The following KIAA1549L variants were observed in gnomAD, a reference collection of about 807,000 sequenced individuals.
KIAA1549L encodes KIAA1549 like.
KIAA1549L carries 88 observed loss-of-function variants against 160.7 expected under a neutral mutation model. The observed-to-expected ratio is 0.55, with a 90% CI of 0.46 to 0.65. The LOEUF (loss-of-function observed/expected upper bound fraction) is 0.65. Among genes scored for constraint, KIAA1549L ranks in the 30% least tolerant of loss-of-function variants. The pLI, the probability that KIAA1549L is intolerant of heterozygous loss-of-function variation, is 0.00. For synonymous variants in KIAA1549L, 950 were observed against 976.7 expected, an observed-to-expected ratio of 0.97 and a Z score of 0.51; for missense variants, 2,258 against 2,437.5, an observed-to-expected ratio of 0.93 and a Z score of 1.55.
rs114327236 is a variant in KIAA1549L, at chr11:33,554,456, G to A, written c.3855+2215G>A. 9.8e-4 allele frequency among the ~76,000 whole-genome samples: 149 copies of A among 152,246 alleles called. 1 individual carries two copies. Among genetic ancestry groups the A allele is most frequent in the African/African-American group, 3.1e-3 (129 of 41,540 alleles). ...TAACTGAAAGGTTCACATTTATTCCGACACAGTTGTATCCAGGTGATTATT... is the reference window on the plus strand; with the variant it reads ...TAACTGAAAGGTTCACATTTATTCCAACACAGTTGTATCCAGGTGATTATT... On this transcript the variant is annotated intron_variant, in intron 6 of 20. Coordinates refer to ENST00000658780, the MANE Select transcript of KIAA1549L (RefSeq NM_012194.3).
In KIAA1549L at chr11:33,569,397, C is replaced by T. The variant is rs147492393; in HGVS notation, c.4230+1170C>T. 7.5e-3 allele frequency among the ~76,000 whole-genome samples: 1,136 copies of T among 152,266 alleles called. 25 individuals are homozygous for T. The highest frequency in any genetic ancestry group is 0.026 in the African/African-American group (1,097 of 41,548). ...CTGCCTCTGGAGTGGGGACTTCCTA[C>T]CTGGAATTGAGCAGACTACCCCTGG... On this transcript the variant is annotated intron_variant, in intron 9 of 20. Coordinates refer to ENST00000658780, the MANE Select transcript of KIAA1549L (RefSeq NM_012194.3).
intron 1 of KIAA1549L, among the ~76,000 whole-genome samples, chr11:33,531,287 A>G (rs112826749): frequency 1.6e-4 from 24 of 152,286 alleles, no homozygotes; most frequent in Non-Finnish European, 2.1e-4. Flanking sequence ...AGCCTAATCA[A>G]TATGGTAAAA....
intron 1 of KIAA1549L, among the ~76,000 whole-genome samples, chr11:33,436,408 A>G (rs1851381965): frequency 6.6e-6 from 1 of 152,208 alleles, no homozygotes; most frequent in African/African-American, 2.4e-5. Flanking sequence ...GAAGGCAGTC[A>G]GAGAGAAAGA....
At position 33,542,075 on chromosome 11, in the gene KIAA1549L, C is replaced by T; in HGVS notation, c.512C>T (p.Pro171Leu). The T allele has an allele frequency of 2.1e-6, 1 of 479,428 alleles. No homozygotes were observed. Among genetic ancestry groups the T allele is most frequent in the Non-Finnish European group, 4.1e-6 (1 of 242,408 alleles). The allele number at this position is 479,428 out of a possible 1,614,324, so 29.7% of individuals were successfully genotyped here. Residue 171 changes from proline (P) to leucine (L), a missense_variant, in exon 2 of 21, where the codon CCT becomes CTT. Transcript: ENST00000658780. ...AGCGGACATAGCGCCTCCCTCGAAC[C>T]TTCCAAGGATTCTACCGAGTCCCTG... ...QGSGHSASLE[P>L]SKDSTESLVQ...
At chr11:33,536,923 A>G (rs1426402289) in intron 1 of KIAA1549L, among the ~76,000 whole-genome samples, 1 of 152,130 alleles carries the variant, frequency 6.6e-6, no homozygotes, top group Non-Finnish European at 1.5e-5. Context: ...TGGTTTTTCC[A>G]AAACAGAAAT....
chr11:33,498,921 G>A (rs1249749504), intron 1 of KIAA1549L, among the ~76,000 whole-genome samples: 11 of 152,170 alleles, frequency 7.2e-5, no homozygotes, highest in African/African-American at 2.4e-4. Flanking sequence ...GATGGTGATG[G>A]GGTGGGAGAA....
At chr11:33,572,828 G>T (rs1432765145) in intron 9 of KIAA1549L, among the ~76,000 whole-genome samples, 1 of 152,194 alleles carries the variant, frequency 6.6e-6, no homozygotes, top group African/African-American at 2.4e-5. Flanking sequence ...GGCTGGAATT[G>T]CTGGTTCTTA....
intron 15 of KIAA1549L, among the ~76,000 whole-genome samples, chr11:33,616,259 G>T (rs186203911): frequency 6.6e-4 from 100 of 152,248 alleles, no homozygotes; most frequent in African/African-American, 2.3e-3. Flanking sequence ...TTACCTCATG[G>T]TGACAAACCG....
chr11:33,464,706 G>C (rs1450400501), intron 1 of KIAA1549L, among the ~76,000 whole-genome samples: 1 of 152,054 alleles, frequency 6.6e-6, no homozygotes, highest in African/African-American at 2.4e-5. Flanking sequence ...ATCCACATCT[G>C]TTCAAATCAT....
chr11:33,384,036 T>G (rs549384634), intron 1 of KIAA1549L, among the ~76,000 whole-genome samples: 1 of 152,180 alleles, frequency 6.6e-6, no homozygotes, highest in Non-Finnish European at 1.5e-5. Flanking sequence ...TGATGAGTTT[T>G]GACAAAAGTG....
At chr11:33,418,087 T>A (rs1000064645) in intron 1 of KIAA1549L, among the ~76,000 whole-genome samples, 1 of 152,220 alleles carries the variant, frequency 6.6e-6, no homozygotes, top group Non-Finnish European at 1.5e-5. Flanking sequence ...TTCCTATCCC[T>A]CTTTTTCTGC....
At chr11:33,646,167 C>T (rs1851719104) in intron 17 of KIAA1549L, 131 bp downstream of exon 17, 2 of 678,750 alleles carry the variant, frequency 2.9e-6, no homozygotes, top group Admixed American at 2.9e-5. Context: ...GCCAGGCCCT[C>T]ATCCCATCAT....
chr11:33,393,153 C>A (rs541588447), intron 1 of KIAA1549L, among the ~76,000 whole-genome samples: 13 of 152,214 alleles, frequency 8.5e-5, no homozygotes, highest in Admixed American at 2.0e-4. Context: ...TCACACCTGC[C>A]GCTATAGCGA....
chr11:33,492,644 AATCAG>A (rs1852708044), intron 1 of KIAA1549L, among the ~76,000 whole-genome samples: 1 of 152,180 alleles, frequency 6.6e-6, no homozygotes, highest in South Asian at 2.1e-4. Flanking sequence ...TCTCCGAGAC[AATCAG>A]AGATGTCAAC....
Position 33,542,708 on chromosome 11 carries a change from G to C in KIAA1549L, c.1145G>C (p.Gly382Ala). Residue 382 changes from glycine (G) to alanine (A), a missense_variant, in exon 2 of 21, where the codon GGT becomes GCT. This residue lies in a region of KIAA1549L where 540 missense variants were observed against 465.7 expected (regional missense o/e 1.16). Transcript: ENST00000658780. ...PSWSMLEVAS[G>A]PASTQQIKAG... ...TGGTCAATGTTGGAAGTGGCTTCAGGTCCTGCATCCACCCAGCAGATCAAA... is the reference window on the plus strand; with the variant it reads ...TGGTCAATGTTGGAAGTGGCTTCAGCTCCTGCATCCACCCAGCAGATCAAA... 6.2e-7 allele frequency: 1 copy of C among 1,614,006 alleles called. No homozygotes were observed. The highest frequency in any genetic ancestry group is 8.5e-7 in the Non-Finnish European group (1 of 1,179,874).
At chr11:33,560,012 C>A in intron 7 of KIAA1549L, 101 bp downstream of exon 7, 1 of 1,063,500 alleles carries the variant, frequency 9.4e-7, no homozygotes, top group South Asian at 1.5e-5. Context: ...CCACCTTTAT[C>A]ATAAAGTGAC....
At chr11:33,657,192 C>G (rs1192145831) in intron 18 of KIAA1549L, among the ~76,000 whole-genome samples, 1 of 152,138 alleles carries the variant, frequency 6.6e-6, no homozygotes, top group Non-Finnish European at 1.5e-5. Flanking sequence ...ACGGTCACAT[C>G]ATACAGCCTC....
intron 1 of KIAA1549L, among the ~76,000 whole-genome samples, chr11:33,429,391 T>C (rs1035097772): frequency 6.6e-5 from 10 of 152,222 alleles, no homozygotes; most frequent in African/African-American, 2.4e-4. Context: ...TTTTTGTTCT[T>C]GAGTTTCCCA....
chr11:33,440,216 A>C (rs956097528), intron 1 of KIAA1549L, among the ~76,000 whole-genome samples: 6 of 111,754 alleles, frequency 5.4e-5, no homozygotes, highest in African/African-American at 1.8e-4. Context: ...TGCAAGCTCC[A>C]CCTCCCGGGT....
Sources: allele counts gnomAD v4.1 joint callset (sites outside exome capture counted in the v4.1 genomes callset), GRCh38; gene constraint gnomAD v4.1.1; regional missense constraint gnomAD v4.1.1; transcripts MANE v1.5; gene names NCBI Gene and HGNC (gene_info 2026-07-23, HGNC 2026-07-21).